CORO2B: variants seen among roughly 807,000 people sequenced by gnomAD.
The protein encoded by CORO2B is coronin-2B.
In CORO2B, 26 loss-of-function variants were observed where a neutral mutation model predicts 58.8. The ratio of observed to expected loss-of-function variants is 0.44; its 90% CI spans 0.32 to 0.61. The LOEUF is 0.61. Ranked by LOEUF, CORO2B falls within the 20% of genes least tolerant of loss-of-function variation. CORO2B has a pLI of 0.04. For missense variants in CORO2B, 460 were observed against 645.1 expected, an observed-to-expected ratio of 0.71 and a Z score of 3.11; for synonymous variants, 242 against 253.8, an observed-to-expected ratio of 0.95 and a Z score of 0.44.
intron 8 of CORO2B, 74 bp from the exon 9 acceptor site, chr15:68,718,624 C>A: frequency 7.7e-7 from 1 of 1,295,864 alleles, no homozygotes; most frequent in Non-Finnish European, 1.1e-6. Context: ...TCCCCTGGCC[C>A]AGAACATCAT....
intron 11 of CORO2B, among the ~76,000 whole-genome samples, chr15:68,723,942 C>CA (rs1893230356): frequency 1.3e-5 from 2 of 152,064 alleles, no homozygotes; most frequent in Non-Finnish European, 2.9e-5. Context: ...TGGTGGCTCA[C>CA]ACCTGCAATC....
At chr15:68,698,352 A>G (rs186424843) in intron 3 of CORO2B, among the ~76,000 whole-genome samples, 2 of 152,276 alleles carry the variant, frequency 1.3e-5, no homozygotes, top group Admixed American at 1.3e-4. Flanking sequence ...ATCACTGGCC[A>G]CCCAGGTTCC....
intron 1 of CORO2B, among the ~76,000 whole-genome samples, chr15:68,608,422 C>T (rs1262200736): frequency 6.6e-6 from 1 of 152,232 alleles, no homozygotes; most frequent in Non-Finnish European, 1.5e-5. Context: ...CTCCCCTGGC[C>T]AGGCCAGGCA....
chr15:68,714,551 T>C lies in CORO2B; in HGVS notation c.766-8T>C. On this transcript the variant is annotated splice_region_variant and splice_polypyrimidine_tract_variant and intron_variant, in intron 6 of 11. Transcript: ENST00000261861. Reference sequence around the variant, plus strand: ...GCAGAGAGGCTGAGACCAGCTCTTCTCCCTCAGGAGGACCTCTCCATGCCC... The same window carrying C: ...GCAGAGAGGCTGAGACCAGCTCTTCCCCCTCAGGAGGACCTCTCCATGCCC... 9 of 1,610,342 alleles carry C rather than the reference T, an allele frequency of 5.6e-6. No homozygotes were observed. The highest frequency in any genetic ancestry group is 7.6e-6 in the Non-Finnish European group (9 of 1,176,704).
Position 68,710,918 on chromosome 15 carries a change from G to A in CORO2B, c.483+37G>A. The A allele has an allele frequency of 6.4e-7, 1 of 1,555,662 alleles. No homozygotes were observed. The highest frequency in any genetic ancestry group is 8.7e-7 in the Non-Finnish European group (1 of 1,146,018). ...GCAGGCAGCTGGGTGGAGAGGGATT[G>A]GGGAAGAGAAAGGGGCCTTTTGGGT... On this transcript the variant is annotated intron_variant, in intron 4 of 11. Coordinates refer to ENST00000261861, the MANE Select transcript of CORO2B (RefSeq NM_006091.5). This position sits in a 1 kb window ranked among gnomAD's most constrained non-coding sequence, Gnocchi z 4.1.
chr15:68,571,355 C>G, the CORO2B span, among the ~76,000 whole-genome samples: 1 of 152,082 alleles, frequency 6.6e-6, no homozygotes, highest in African/African-American at 2.4e-5. Context: ...CAAATAGATC[C>G]CTAAGAGCCA....
chr15:68,706,794 C>T (rs748866442), intron 3 of CORO2B, among the ~76,000 whole-genome samples: 5 of 152,110 alleles, frequency 3.3e-5, no homozygotes, highest in South Asian at 2.1e-4. Flanking sequence ...ACTGCAGCCT[C>T]GTCTTCCTGG....
At chr15:68,523,945 G>C in the CORO2B span, among the ~76,000 whole-genome samples, 2,691 of 152,144 alleles carry the variant, frequency 0.018, 89 homozygotes, top group African/African-American at 0.062. Flanking sequence ...TTTTTCCAAG[G>C]CTGGCCTCAG....
chr15:68,636,597 C>T (rs1027027019), intron 1 of CORO2B, among the ~76,000 whole-genome samples: 3 of 152,276 alleles, frequency 2.0e-5, no homozygotes, highest in Admixed American at 2.0e-4. Flanking sequence ...GAGGGGCTTG[C>T]CCAAGGGGCC....
the CORO2B span, among the ~76,000 whole-genome samples, chr15:68,531,971 A>C: frequency 7.2e-5 from 11 of 152,092 alleles, no homozygotes; most frequent in South Asian, 1.9e-3. Context: ...TTCTTTTAGC[A>C]CCTTAAAAAT....
chr15:68,637,321 T>A (rs998024484), intron 1 of CORO2B, among the ~76,000 whole-genome samples: 1 of 152,168 alleles, frequency 6.6e-6, no homozygotes, highest in Non-Finnish European at 1.5e-5. Flanking sequence ...GTAGGCTGGT[T>A]CCCTCTGCTC....
the CORO2B span, among the ~76,000 whole-genome samples, chr15:68,561,862 A>G: frequency 6.6e-6 from 1 of 152,166 alleles, no homozygotes; most frequent in South Asian, 2.1e-4. Flanking sequence ...GTAGTTGTGC[A>G]TGGGAATGTC....
At chr15:68,602,324 G>A (rs760911813) in intron 1 of CORO2B, among the ~76,000 whole-genome samples, 1 of 151,120 alleles carries the variant, frequency 6.6e-6, no homozygotes, top group Non-Finnish European at 1.5e-5. Flanking sequence ...AAACACTCTT[G>A]GTGCTGTGGA....
the CORO2B span, among the ~76,000 whole-genome samples, chr15:68,534,850 G>A: frequency 2.0e-5 from 3 of 152,200 alleles, no homozygotes; most frequent in Non-Finnish European, 2.9e-5. Context: ...GTGGCGGAAG[G>A]CGAAAGACAC....
At chr15:68,578,963 C>T, upstream of CORO2B, 1 of 919,496 alleles carries the variant, frequency 1.1e-6, no homozygotes, top group Non-Finnish European at 1.3e-6. The surrounding 1 kb of genome is among the most constrained non-coding windows in gnomAD (Gnocchi z 4.2). Context: ...CCCCCGCCCC[C>T]CAGCCCGGGC....
chr15:68,715,097 T>C (rs1286743085), intron 7 of CORO2B, 118 bp from the exon 8 acceptor site: 27 of 915,560 alleles, frequency 2.9e-5, no homozygotes, highest in African/African-American at 5.0e-5. Context: ...GTTTCCTTGG[T>C]TTTTTTAACT....
rs181360962 is a variant in CORO2B at position 68,707,112 on chromosome 15, C to T, written c.334-3620C>T. 2.4e-3 allele frequency among the ~76,000 whole-genome samples: 366 copies of T among 152,288 alleles called. 4 individuals carry two copies. The East Asian group carries it at 0.039, about 16-fold the overall frequency. ...AGTAGCTGGGATTACAAGCGCGCGC[C>T]ACCACGCCCAGCTGCCGCCTAGGCT... On this transcript the variant is annotated intron_variant, in intron 3 of 11. Coordinates refer to ENST00000261861, the MANE Select transcript of CORO2B (RefSeq NM_006091.5).
chr15:68,544,791 T>C, the CORO2B span, among the ~76,000 whole-genome samples: 105,139 of 141,796 alleles, frequency 0.74, 38,779 homozygotes, highest in East Asian at 0.94. Flanking sequence ...TTTTTTTTTT[T>C]TTTGAGATGG....
intron 3 of CORO2B, among the ~76,000 whole-genome samples, chr15:68,696,111 G>A (rs540700036): frequency 2.6e-5 from 4 of 151,378 alleles, no homozygotes; most frequent in Non-Finnish European, 5.9e-5. Flanking sequence ...CTAGGTGGGT[G>A]TGGTGGTGCA....
Sources: allele counts gnomAD v4.1 joint callset (sites outside exome capture counted in the v4.1 genomes callset), GRCh38; gene constraint gnomAD v4.1.1; non-coding constraint Gnocchi (gnomAD v3.1); transcripts MANE v1.5; gene names NCBI Gene and HGNC (gene_info 2026-07-23, HGNC 2026-07-21).